The following ELMO1 variants were observed in gnomAD, a reference collection of about 807,000 sequenced individuals.
ELMO1 encodes engulfment and cell motility 1.
In ELMO1, 26 loss-of-function variants were observed where a neutral mutation model predicts 98.9. The observed-to-expected ratio is 0.26, with a 90% CI of 0.19 to 0.36. The LOEUF is 0.36. Ranked by LOEUF, ELMO1 falls within the 10% of genes least tolerant of loss-of-function variation. ELMO1 has a pLI of 1.00. For missense variants in ELMO1, 627 were observed against 935.2 expected, an observed-to-expected ratio of 0.67 and a Z score of 4.30; for synonymous variants, 346 against 346.0, an observed-to-expected ratio of 1.00 and a Z score of 0.00.
intron 16 of ELMO1, among the ~76,000 whole-genome samples, chr7:36,914,854 A>G (rs1784580372): frequency 6.6e-6 from 1 of 152,154 alleles, no homozygotes; most frequent in South Asian, 2.1e-4. Flanking sequence ...GTTTAGAATG[A>G]TCAGACACAT....
intron 13 of ELMO1, among the ~76,000 whole-genome samples, chr7:37,161,933 T>TATATATATATATATATA (rs1554429665): frequency 8.5e-6 from 1 of 117,252 alleles, no homozygotes; most frequent in Non-Finnish European, 1.8e-5. Context: ...TATATATATA[T>TATATATATATATATATA]ATGTTAAGCG....
At position 36,894,804 on chromosome 7, in the gene ELMO1, T is replaced by G. The variant is rs746967955; in HGVS notation, c.1601+50A>C. 1.7e-5 allele frequency: 28 copies of G among 1,610,248 alleles called. No individual in the cohort carries two copies. In the Admixed American group the frequency reaches 2.5e-4, roughly 14 times the overall value. On this transcript the variant is annotated intron_variant, in intron 17 of 21. Transcript: ENST00000310758. ...TCATGACAGGCGGTCATTCTAGAAA[T>G]AGTGGGTTAGAGTCTTTTGGGAGAT...
chr7:37,398,124 C>G (rs552727949), intron 1 of ELMO1, among the ~76,000 whole-genome samples: 1 of 152,272 alleles, frequency 6.6e-6, no homozygotes, highest in South Asian at 2.1e-4. Flanking sequence ...ACCTATATAA[C>G]AAACGTGCAC....
intron 13 of ELMO1, among the ~76,000 whole-genome samples, chr7:37,209,606 T>C (rs1471050161): frequency 6.6e-6 from 1 of 151,982 alleles, no homozygotes; most frequent in Non-Finnish European, 1.5e-5. Flanking sequence ...GACTTGAGGG[T>C]AAGAGAGATT....
At chr7:37,244,650 A>C (rs1197528393) in intron 6 of ELMO1, among the ~76,000 whole-genome samples, 1 of 152,232 alleles carries the variant, frequency 6.6e-6, no homozygotes, top group African/African-American at 2.4e-5. Context: ...AAAGGCATCC[A>C]AAACCGTCCA....
intron 10 of ELMO1, among the ~76,000 whole-genome samples, chr7:37,218,006 A>G (rs1793393165): frequency 6.6e-6 from 1 of 152,218 alleles, no homozygotes; most frequent in Non-Finnish European, 1.5e-5. Flanking sequence ...AAACAACTCA[A>G]ATGGTAACCC....
intron 16 of ELMO1, among the ~76,000 whole-genome samples, chr7:37,010,127 T>C (rs1000747116): frequency 1.8e-4 from 28 of 152,128 alleles, no homozygotes; most frequent in Admixed American, 1.7e-3. Context: ...AGGGACATAA[T>C]TATATCTGCA....
At chr7:37,230,811 T>C (rs928701555) in intron 8 of ELMO1, among the ~76,000 whole-genome samples, 3 of 152,236 alleles carry the variant, frequency 2.0e-5, no homozygotes, top group Non-Finnish European at 4.4e-5. Flanking sequence ...TTGGAATTGC[T>C]TCTCTGGAAC....
chr7:36,928,930 C>G (rs1785799986), intron 16 of ELMO1, among the ~76,000 whole-genome samples: 1 of 152,242 alleles, frequency 6.6e-6, no homozygotes, highest in Non-Finnish European at 1.5e-5. Context: ...ACAGGAGGGA[C>G]TGGTAGCAGC....
chr7:36,953,181 T>G (rs570527166), intron 16 of ELMO1, among the ~76,000 whole-genome samples: 106 of 152,158 alleles, frequency 7.0e-4, no homozygotes, highest in Non-Finnish European at 1.3e-3. Context: ...TTAGCCAGGA[T>G]GATATCGATC....
chr7:37,020,578 G>A (rs997339083), intron 15 of ELMO1, among the ~76,000 whole-genome samples: 2 of 152,004 alleles, frequency 1.3e-5, no homozygotes, highest in Non-Finnish European at 2.9e-5. Flanking sequence ...TACCATTTTC[G>A]CTCTCACAGG....
At position 36,854,008 on chromosome 7, in the gene ELMO1, A is replaced by G. The variant is rs568255988; in HGVS notation, c.*1543T>C. On this transcript the variant is annotated 3_prime_UTR_variant, in exon 22 of 22. Coordinates refer to ENST00000310758, the MANE Select transcript of ELMO1 (RefSeq NM_014800.11). ...TCAAAGTTGTGATGTCTTTAATTAGACCCATTCTATAAATTATATCATGGT... is the reference window on the plus strand; with the variant it reads ...TCAAAGTTGTGATGTCTTTAATTAGGCCCATTCTATAAATTATATCATGGT... Among the ~76,000 whole-genome samples the G allele has an allele frequency of 1.3e-5, 2 of 152,312 alleles. No homozygotes were observed. Among genetic ancestry groups the G allele is most frequent in the Admixed American group, 6.5e-5 (1 of 15,294 alleles).
chr7:37,415,700 G>A (rs1490875297), intron 1 of ELMO1, among the ~76,000 whole-genome samples: 1 of 152,094 alleles, frequency 6.6e-6, no homozygotes, highest in Non-Finnish European at 1.5e-5. Context: ...ATTAATGCAT[G>A]AAAAAATGTA....
At chr7:36,965,106 T>TTCCTCAGCATCCTGGTTTCTTCCAC (rs1254505521) in intron 16 of ELMO1, among the ~76,000 whole-genome samples, 36 of 152,302 alleles carry the variant, frequency 2.4e-4, no homozygotes, top group African/African-American at 8.4e-4. Flanking sequence ...GTGGCCACTC[T>TTCCTCAGCATCCTGGTTTCTTCCAC]TCCTCAGCAT....
chr7:37,154,935 G>A (rs1425769422), intron 13 of ELMO1, among the ~76,000 whole-genome samples: 1 of 152,208 alleles, frequency 6.6e-6, no homozygotes, highest in Non-Finnish European at 1.5e-5. Flanking sequence ...TACCCACAAA[G>A]GGAAGCCCAT....
At chr7:37,202,484 T>C (rs564361758) in intron 13 of ELMO1, among the ~76,000 whole-genome samples, 23 of 152,326 alleles carry the variant, frequency 1.5e-4, no homozygotes, top group African/African-American at 5.3e-4. Context: ...TGCTGAAATA[T>C]AAGGCAAGTC....
chr7:37,012,885 T>G (rs1253670366), intron 16 of ELMO1, among the ~76,000 whole-genome samples: 1 of 152,196 alleles, frequency 6.6e-6, no homozygotes, highest in Admixed American at 6.5e-5. Context: ...CCGGACTAGG[T>G]GGAGCAGTAT....
At chr7:37,061,896 C>A (rs1418117875) in intron 15 of ELMO1, among the ~76,000 whole-genome samples, 8 of 152,130 alleles carry the variant, frequency 5.3e-5, no homozygotes, top group African/African-American at 1.9e-4. Context: ...TATTCTGTGA[C>A]CCCAAATGTG....
chr7:37,293,277 G>C (rs1478029132), intron 4 of ELMO1, among the ~76,000 whole-genome samples: 7 of 136,010 alleles, frequency 5.1e-5, no homozygotes, highest in Non-Finnish European at 1.0e-4. Context: ...AGAATAGAAA[G>C]GGGGGAAAGG....
Sources: gnomAD v4.1 joint callset for allele counts (sites outside exome capture counted in the v4.1 genomes callset) on GRCh38, gnomAD v4.1.1 for gene constraint, MANE v1.5 for transcripts, NCBI Gene and HGNC (gene_info 2026-07-23, HGNC 2026-07-21) for gene names.